The following ENTREP2 variants were observed in gnomAD, a reference collection of about 807,000 sequenced individuals.
ENTREP2 encodes protein ENTREP2.
the ENTREP2 span, among the ~76,000 whole-genome samples, chr15:29,626,863 T>C: frequency 6.6e-6 from 1 of 152,176 alleles, no homozygotes; most frequent in Admixed American, 6.5e-5. Context: ...TATCATAAAA[T>C]GATAAAGACA....
the ENTREP2 span, among the ~76,000 whole-genome samples, chr15:29,646,336 C>T: frequency 1.3e-5 from 2 of 152,134 alleles, no homozygotes; most frequent in Admixed American, 6.5e-5. Context: ...TATCTGAAGG[C>T]TCGAGGAATA....
the ENTREP2 span, among the ~76,000 whole-genome samples, chr15:29,599,350 T>C: frequency 6.6e-6 from 1 of 152,366 alleles, no homozygotes; most frequent in Middle Eastern, 3.4e-3. Flanking sequence ...ACAATGGTGA[T>C]GCTCTAAAGA....
the ENTREP2 span, among the ~76,000 whole-genome samples, chr15:29,158,960 A>G: frequency 6.6e-6 from 1 of 152,346 alleles, no homozygotes; most frequent in Non-Finnish European, 1.5e-5. Flanking sequence ...AATAAGATTA[A>G]CAGAGAAAAG....
At chr15:29,121,980 C>G in the ENTREP2 span, 14 of 152,384 alleles carry the variant, frequency 9.2e-5, no homozygotes, top group Admixed American at 8.5e-4. Context: ...GGAACAGCAG[C>G]GTGAGCCCCC....
At chr15:29,499,366 A>G in the ENTREP2 span, among the ~76,000 whole-genome samples, 1 of 152,038 alleles carries the variant, frequency 6.6e-6, no homozygotes, top group African/African-American at 2.4e-5. Flanking sequence ...TATAGTTATA[A>G]CAGTTTAAGC....
chr15:29,603,349 C>A, the ENTREP2 span, among the ~76,000 whole-genome samples: 2 of 152,192 alleles, frequency 1.3e-5, no homozygotes, highest in Non-Finnish European at 2.9e-5. Context: ...CTCAGGCCCA[C>A]TGTAGACTTC....
the ENTREP2 span, chr15:29,269,930 G>C: frequency 2.1e-6 from 1 of 484,488 alleles, no homozygotes; most frequent in African/African-American, 2.0e-5. Context: ...CAGCCCTGCA[G>C]GTCCGGGCGA....
chr15:29,430,305 G>C, the ENTREP2 span, among the ~76,000 whole-genome samples: 2 of 152,106 alleles, frequency 1.3e-5, no homozygotes. Context: ...GGCCCCTCTC[G>C]ATGGCCTTGC....
At chr15:29,380,440 A>C in the ENTREP2 span, among the ~76,000 whole-genome samples, 2 of 152,200 alleles carry the variant, frequency 1.3e-5, no homozygotes, top group African/African-American at 4.8e-5. Context: ...ATTTTAAATA[A>C]TTGATTAATA....
At chr15:29,367,685 T>C in the ENTREP2 span, among the ~76,000 whole-genome samples, 2 of 152,118 alleles carry the variant, frequency 1.3e-5, no homozygotes, top group African/African-American at 4.8e-5. Context: ...TTGCAGAATG[T>C]GGAAGGTGTG....
At chr15:29,393,462 A>T in the ENTREP2 span, among the ~76,000 whole-genome samples, 4 of 152,166 alleles carry the variant, frequency 2.6e-5, no homozygotes, top group South Asian at 8.3e-4. Context: ...CTCCAGCCAC[A>T]TACCGCCTGA....
At chr15:29,484,600 G>C in the ENTREP2 span, among the ~76,000 whole-genome samples, 1 of 151,992 alleles carries the variant, frequency 6.6e-6, no homozygotes, top group African/African-American at 2.4e-5. Context: ...CTTCATATTT[G>C]CTTGTCTTTT....
the ENTREP2 span, among the ~76,000 whole-genome samples, chr15:29,541,547 A>G: frequency 6.6e-6 from 1 of 152,126 alleles, no homozygotes; most frequent in Non-Finnish European, 1.5e-5. Context: ...GCCTTCTCTG[A>G]AAGGGACTGC....
At chr15:29,556,948 G>A in the ENTREP2 span, among the ~76,000 whole-genome samples, 11 of 152,292 alleles carry the variant, frequency 7.2e-5, no homozygotes, top group South Asian at 8.3e-4. Context: ...TGGATATTCC[G>A]CCCTGAAACA....
the ENTREP2 span, among the ~76,000 whole-genome samples, chr15:29,449,676 A>G: frequency 2.0e-5 from 3 of 152,240 alleles, no homozygotes; most frequent in African/African-American, 7.2e-5. Flanking sequence ...TGTTACAACA[A>G]AATTACACCA....
chr15:29,216,995 AT>A, the ENTREP2 span, among the ~76,000 whole-genome samples: 1 of 152,198 alleles, frequency 6.6e-6, no homozygotes, highest in African/African-American at 2.4e-5. Context: ...TAACTTTTAT[AT>A]CTTGGTTTAG....
At chr15:29,305,551 G>GTC in the ENTREP2 span, among the ~76,000 whole-genome samples, 2 of 152,182 alleles carry the variant, frequency 1.3e-5, no homozygotes, top group African/African-American at 4.8e-5. Context: ...GAGCTAACAG[G>GTC]TCTTGTTGAT....
At chr15:29,411,649 T>C in the ENTREP2 span, among the ~76,000 whole-genome samples, 1 of 152,252 alleles carries the variant, frequency 6.6e-6, no homozygotes, top group African/African-American at 2.4e-5. Flanking sequence ...TGTCTTTCAA[T>C]AAAAAGAATG....
At chr15:29,658,034 C>T in the ENTREP2 span, among the ~76,000 whole-genome samples, 4 of 152,270 alleles carry the variant, frequency 2.6e-5, no homozygotes, top group African/African-American at 9.6e-5. Context: ...AACGTTAAAA[C>T]AAATCAGGAG....
Sources: allele counts gnomAD v4.1 joint callset (sites outside exome capture counted in the v4.1 genomes callset), GRCh38; gene constraint gnomAD v4.1.1; transcripts MANE v1.5; gene names NCBI Gene and HGNC (gene_info 2026-07-23, HGNC 2026-07-21).